AGBL4: variants seen among roughly 807,000 people sequenced by gnomAD.
The protein encoded by AGBL4 is AGBL carboxypeptidase 4.
AGBL4 carries 58 observed loss-of-function variants against 66.4 expected under a neutral mutation model. That is an observed-to-expected ratio of 0.87 (90% confidence interval 0.71 to 1.09). AGBL4 has a LOEUF of 1.09. Ranked by LOEUF, AGBL4 falls within the 50% of genes least tolerant of loss-of-function variation. The probability of loss-of-function intolerance (pLI) is 0.00; values close to 1 mark genes in which losing one functional copy is unlikely to be tolerated. For missense variants in AGBL4, 579 were observed against 631.0 expected, an observed-to-expected ratio of 0.92 and a Z score of 0.88; for synonymous variants, 234 against 222.9, an observed-to-expected ratio of 1.05 and a Z score of -0.44.
intron 2 of AGBL4, chr1:49,845,827 C>T (rs1275942958): frequency 1.3e-6 from 2 of 1,507,924 alleles, no homozygotes; most frequent in African/African-American, 1.4e-5. Context: ...AGGAGAGAAG[C>T]CGTTCGACTG....
intron 5 of AGBL4, among the ~76,000 whole-genome samples, chr1:49,034,491 G>A (rs1324568324): frequency 6.6e-6 from 1 of 152,006 alleles, no homozygotes; most frequent in Non-Finnish European, 1.5e-5. Context: ...TTAAACACTT[G>A]CATTCCTGAC....
intron 3 of AGBL4, among the ~76,000 whole-genome samples, chr1:49,545,582 G>A (rs1652408278): frequency 6.6e-6 from 1 of 152,190 alleles, no homozygotes; most frequent in Admixed American, 6.5e-5. Flanking sequence ...TAGTGAGAGA[G>A]TGAGCTGGAA....
chr1:49,652,497 G>A (rs781631425), intron 3 of AGBL4, among the ~76,000 whole-genome samples: 5 of 152,142 alleles, frequency 3.3e-5, no homozygotes, highest in Non-Finnish European at 5.9e-5. Flanking sequence ...GCTCGAGCAG[G>A]CACTGAGACA....
At chr1:49,710,123 A>G (rs1293829013) in intron 2 of AGBL4, among the ~76,000 whole-genome samples, 1 of 152,208 alleles carries the variant, frequency 6.6e-6, no homozygotes, top group Non-Finnish European at 1.5e-5. Flanking sequence ...TAATTCTACT[A>G]TAAAGACACA....
intron 5 of AGBL4, among the ~76,000 whole-genome samples, chr1:48,942,957 T>G (rs1253322677): frequency 6.6e-6 from 1 of 152,244 alleles, no homozygotes; most frequent in Non-Finnish European, 1.5e-5. Context: ...ACTAGTGAGC[T>G]GGATTTTTTA....
chr1:49,517,466 G>C (rs930071795), intron 3 of AGBL4, among the ~76,000 whole-genome samples: 6 of 151,830 alleles, frequency 4.0e-5, no homozygotes, highest in African/African-American at 1.4e-4. Context: ...TTTGCTGAAA[G>C]AATCAAGAGT....
At chr1:48,679,029 T>C (rs555207782) in intron 6 of AGBL4, among the ~76,000 whole-genome samples, 1 of 152,266 alleles carries the variant, frequency 6.6e-6, no homozygotes, top group Admixed American at 6.5e-5. Flanking sequence ...GTGTGGGAGA[T>C]GGATATGCAA....
intron 8 of AGBL4, among the ~76,000 whole-genome samples, chr1:48,642,392 TC>T (rs1645771827): frequency 6.6e-6 from 1 of 152,130 alleles, no homozygotes; most frequent in Non-Finnish European, 1.5e-5. Flanking sequence ...GAGTGCCTTC[TC>T]CCTTCCCGTA....
chr1:49,042,341 T>C lies in AGBL4; in HGVS notation c.594+3243A>G, dbSNP rs571310153. ...AACATAGAATTCAAGGTAATACAAG[T>C]AGTTTCATGTTAGAGCTGAAAGCAG... On this transcript the variant is annotated intron_variant, in intron 5 of 13. Transcript: ENST00000371839. 8.5e-5 allele frequency among the ~76,000 whole-genome samples: 13 copies of C among 152,252 alleles called. No homozygotes were observed. The South Asian group carries it at 1.7e-3, about 19-fold the overall frequency.
At chr1:48,758,393 C>G (rs12125554) in intron 6 of AGBL4, among the ~76,000 whole-genome samples, 2 of 152,132 alleles carry the variant, frequency 1.3e-5, no homozygotes, top group African/African-American at 4.8e-5. Context: ...ACTGCCCAAC[C>G]TTCAAAGCTC....
rs555261451 is a variant in AGBL4 at position 49,472,743 on chromosome 1, G to C, written c.282+224570C>G. ...GGTATATTGTGTGATGCTGAGTATT[G>C]GGTTTCTAACAATTCTGTCACCCAA... On this transcript the variant is annotated intron_variant, in intron 3 of 13. Coordinates refer to ENST00000371839, the MANE Select transcript of AGBL4 (RefSeq NM_032785.4). 4.6e-5 allele frequency among the ~76,000 whole-genome samples: 7 copies of C among 151,958 alleles called. No homozygotes were observed. The South Asian group carries it at 1.2e-3, about 27-fold the overall frequency.
intron 6 of AGBL4, among the ~76,000 whole-genome samples, chr1:48,857,217 A>G (rs746078234): frequency 1.3e-5 from 2 of 152,136 alleles, no homozygotes; most frequent in Non-Finnish European, 2.9e-5. Context: ...CCTTTAGTTT[A>G]CTCCACCAAA....
intron 5 of AGBL4, among the ~76,000 whole-genome samples, chr1:49,034,817 G>A (rs924909543): frequency 3.3e-5 from 5 of 152,040 alleles, no homozygotes; most frequent in African/African-American, 1.2e-4. Context: ...GCTGAAGTGT[G>A]AGTCAATTAA....
intron 5 of AGBL4, among the ~76,000 whole-genome samples, chr1:48,869,839 G>C (rs1648474251): frequency 6.6e-6 from 1 of 152,062 alleles, no homozygotes; most frequent in Non-Finnish European, 1.5e-5. Context: ...TTAATTTTCT[G>C]TGCATGTATC....
At chr1:49,240,582 G>C (rs1256794144) in intron 4 of AGBL4, among the ~76,000 whole-genome samples, 1 of 143,486 alleles carries the variant, frequency 7.0e-6, no homozygotes, top group Non-Finnish European at 1.5e-5. Context: ...TATCTCTGTG[G>C]CTAGTCCCTC....
intron 3 of AGBL4, among the ~76,000 whole-genome samples, chr1:49,617,091 T>C (rs1436504587): frequency 2.6e-5 from 4 of 152,186 alleles, no homozygotes; most frequent in African/African-American, 9.7e-5. Context: ...AGCGCTTACA[T>C]TGGCCCAGAA....
intron 3 of AGBL4, among the ~76,000 whole-genome samples, chr1:49,573,851 C>A (rs1644383179): frequency 6.6e-6 from 1 of 152,162 alleles, no homozygotes; most frequent in South Asian, 2.1e-4. Flanking sequence ...GCTGGGGACA[C>A]TGAGTTTGTA....
intron 6 of AGBL4, among the ~76,000 whole-genome samples, chr1:48,809,198 T>G (rs1414447119): frequency 6.6e-6 from 1 of 152,152 alleles, no homozygotes; most frequent in Non-Finnish European, 1.5e-5. Flanking sequence ...TGGGTCCATG[T>G]TTGAGCACCA....
intron 6 of AGBL4, among the ~76,000 whole-genome samples, chr1:48,737,029 A>T (rs1649167986): frequency 6.6e-6 from 1 of 152,172 alleles, no homozygotes; most frequent in Non-Finnish European, 1.5e-5. Flanking sequence ...CACACCTGTA[A>T]TCCCAGCACT....
Sources: allele counts gnomAD v4.1 joint callset (sites outside exome capture counted in the v4.1 genomes callset), GRCh38; gene constraint gnomAD v4.1.1; transcripts MANE v1.5; gene names NCBI Gene and HGNC (gene_info 2026-07-23, HGNC 2026-07-21).